CIITA: variants seen among roughly 807,000 people sequenced by gnomAD.
CIITA encodes the protein MHC class II transactivator.
In CIITA, 72 loss-of-function variants were observed where a neutral mutation model predicts 115.1. The observed-to-expected ratio is 0.63, with a 90% confidence interval of 0.52 to 0.76. The LOEUF (loss-of-function observed/expected upper bound fraction) is 0.76, where lower values mean the gene tolerates loss of function less well. Ranked by LOEUF, CIITA falls within the 30% of genes least tolerant of loss-of-function variation. CIITA has a pLI of 0.00. For synonymous variants in CIITA, 763 were observed against 635.6 expected, an observed-to-expected ratio of 1.20 and a Z score of -3.02; for missense variants, 1,617 against 1,463.8, an observed-to-expected ratio of 1.10 and a Z score of -1.71.
rs754653550 is a variant in CIITA at position 10,923,181 on chromosome 16, C to T, written c.3318-47C>T. The stretch of plus-strand genomic sequence containing the variant: ...GGCAGCTGTCACTGGGGCCCCAGGC[C>T]GCCCTCTCTCCTCTAACCTGGCTCT... On this transcript the variant is annotated intron_variant, in intron 18 of 19. Coordinates refer to ENST00000324288, the MANE Select transcript of CIITA (RefSeq NM_000246.4). This position sits in a 1 kb window ranked among gnomAD's most constrained non-coding sequence, Gnocchi z 5.2. The T allele has an allele frequency of 6.0e-5, 95 of 1,572,336 alleles. 1 individual carries two copies. Among genetic ancestry groups the T allele is most frequent in the East Asian group, 2.7e-4 (12 of 44,696 alleles).
At chr16:10,902,369 C>T (rs2038840748) in intron 7 of CIITA, among the ~76,000 whole-genome samples, 185 bp downstream of exon 7, 1 of 152,192 alleles carries the variant, frequency 6.6e-6, no homozygotes, top group African/African-American at 2.4e-5. Flanking sequence ...TGGCAGAGAA[C>T]ATGCCTCAGA....
downstream of CIITA, chr16:10,940,222 A>C (rs189007001): frequency 1.3e-5 from 2 of 152,302 alleles, no homozygotes; most frequent in Admixed American, 1.3e-4. This position sits in a 1 kb window ranked among gnomAD's most constrained non-coding sequence, Gnocchi z 4.2. Context: ...TCTGATCCCA[A>C]ATGATGGTAT....
intron 1 of CIITA, among the ~76,000 whole-genome samples, chr16:10,893,436 G>T (rs1251826201): frequency 6.6e-6 from 1 of 152,130 alleles, no homozygotes; most frequent in Non-Finnish European, 1.5e-5. Context: ...TGGGTCTCAA[G>T]TTCTTCATCT....
At chr16:10,940,916 G>C (rs947242911), downstream of CIITA, 1 of 152,274 alleles carries the variant, frequency 6.6e-6, no homozygotes, top group African/African-American at 2.4e-5. The surrounding 1 kb of genome is among the most constrained non-coding windows in gnomAD (Gnocchi z 4.2). Context: ...TGCCTGTTCT[G>C]TGAAGGGAGC....
chr16:10,922,319 G>A lies in CIITA; in HGVS notation c.3233+69G>A, dbSNP rs1308819156. 6.9e-6 allele frequency: 11 copies of A among 1,603,474 alleles called. No homozygotes were observed. The East Asian group carries it at 2.2e-4, about 33-fold the overall frequency. On this transcript the variant is annotated intron_variant, in intron 17 of 19. Transcript: ENST00000324288. ...GGAGACACTGAAGTCTCTCCCTGGT[G>A]TCCTGGAAGAGCTGGATGTGGGGGT...
Position 10,879,668 on chromosome 16 carries a change from C to A in CIITA, c.52+2286C>A, listed in dbSNP as rs563187201. On this transcript the variant is annotated intron_variant, in intron 1 of 19. Transcript: ENST00000324288. The surrounding 1 kb of genome is among the most constrained non-coding windows in gnomAD (Gnocchi z 4.3). ...AGGGATCCCCCCGGACTGAACCGAT[C>A]TCTTGATCTCTCACTTCTCTACCTC... Among the ~76,000 whole-genome samples, 3 of 152,286 alleles carry A rather than the reference C, an allele frequency of 2.0e-5. No homozygotes were observed. The South Asian group carries it at 6.2e-4, about 32-fold the overall frequency.
At chr16:10,888,541 C>T (rs1238066513) in intron 1 of CIITA, 5 of 152,368 alleles carry the variant, frequency 3.3e-5, no homozygotes. Flanking sequence ...TTATTTCAGA[C>T]ACCTGTTTAG....
chr16:10,902,511 T>C, intron 7 of CIITA, 147 bp from the exon 8 acceptor site: 2 of 1,000,272 alleles, frequency 2.0e-6, no homozygotes, highest in Non-Finnish European at 3.1e-6. Context: ...GTGCTAAGAA[T>C]TCCATCAGGG....
In CIITA at chr16:10,941,795, C is replaced by G; in HGVS notation, n.921C>G. ...CCCGAGCCGGGGTCGGAGAGCACGCCGAGGTCCACGAGCGCCTGGTCCATG... is the reference window on the plus strand; with the variant it reads ...CCCGAGCCGGGGTCGGAGAGCACGCGGAGGTCCACGAGCGCCTGGTCCATG... On this transcript the variant is annotated non_coding_transcript_exon_variant, in exon 2 of 2. Coordinates refer to the CIITA transcript ENST00000573379. The surrounding 1 kb of genome is among the most constrained non-coding windows in gnomAD (Gnocchi z 6.4). 3 of 1,613,634 alleles carry G rather than the reference C, an allele frequency of 1.9e-6. No individual in the cohort carries two copies. In the South Asian group the frequency reaches 3.3e-5, roughly 18 times the overall value.
In CIITA at chr16:10,898,728, T is replaced by C. The variant is rs2038396046; in HGVS notation, c.354T>C (p.Ile118=). Residue 118 remains isoleucine (I), a synonymous_variant, in exon 4 of 20, where the codon ATT becomes ATC. Transcript: ENST00000324288. ...AGCTGGAGGGCCTGAGCAAGGACAT[T>C]TTCAGTAAGTTTGTGGTGGGTGGGG... The part of the protein sequence containing the change: ...DSQLEGLSKD[I]FKHIGPDEVI... 1.2e-6 allele frequency: 2 copies of C among 1,611,400 alleles called. No individual in the cohort carries two copies. The highest frequency in any genetic ancestry group is 1.7e-6 in the Non-Finnish European group (2 of 1,178,890).
At chr16:10,902,296 A>G in intron 7 of CIITA, 112 bp downstream of exon 7, 1 of 1,443,416 alleles carries the variant, frequency 6.9e-7, no homozygotes, top group Admixed American at 1.9e-5. Context: ...CCCCAACCCT[A>G]TCAGTGTCAC....
At position 10,906,733 on chromosome 16, in the gene CIITA, G is replaced by A. The variant is rs572327540; in HGVS notation, c.1241G>A (p.Arg414Gln). The A allele has an allele frequency of 1.9e-6, 3 of 1,610,840 alleles. No individual in the cohort carries two copies. Among genetic ancestry groups the A allele is most frequent in the East Asian group, 4.5e-5 (2 of 44,850 alleles). ...GAGCACCGGCGGCCGCGTGAGACACGAGTGATTGCTGTGCTGGGCAAAGCT... is the reference window on the plus strand; with the variant it reads ...GAGCACCGGCGGCCGCGTGAGACACAAGTGATTGCTGTGCTGGGCAAAGCT... Reference protein sequence around the residue: ...AKEHRRPRETRVIAVLGKAGQ... With the variant: ...AKEHRRPRETQVIAVLGKAGQ... The change falls in exon 11 of 20, where the codon CGA (arginine) becomes CAA (glutamine). Residue 414 changes from arginine (R) to glutamine (Q), a missense_variant. By Grantham distance (43) the Arg-to-Gln change is conservative. Coordinates refer to ENST00000324288, the MANE Select transcript of CIITA (RefSeq NM_000246.4).
At chr16:10,939,718 C>G (rs184504252), downstream of CIITA, 1 of 152,188 alleles carries the variant, frequency 6.6e-6, no homozygotes, top group Non-Finnish European at 1.5e-5. The surrounding 1 kb of genome is among the most constrained non-coding windows in gnomAD (Gnocchi z 4.9). Flanking sequence ...CTACAGAGAC[C>G]GTCTACTAGA....
At chr16:10,909,310 C>T in intron 12 of CIITA, 123 bp downstream of exon 12, 2 of 1,017,462 alleles carry the variant, frequency 2.0e-6, no homozygotes, top group Admixed American at 2.0e-5. Flanking sequence ...CCCATGCCCT[C>T]TTTCTGGGCA....
At chr16:10,903,347 TC>T (rs1238350699) in intron 8 of CIITA, among the ~76,000 whole-genome samples, 3 of 152,186 alleles carry the variant, frequency 2.0e-5, no homozygotes, top group Non-Finnish European at 2.9e-5. Flanking sequence ...ATGCTTCCAC[TC>T]AAGTCCAGAG....
intron 18 of CIITA, chr16:10,922,831 T>C (rs1279303096): frequency 2.4e-5 from 12 of 509,940 alleles, no homozygotes; most frequent in Non-Finnish European, 3.5e-5. Flanking sequence ...CAATTTCATA[T>C]GGTTCAGGTT....
chr16:10,900,278 A>G lies in CIITA; in HGVS notation c.437-1236A>G, dbSNP rs2038586542. On this transcript the variant is annotated intron_variant, in intron 5 of 19. Coordinates refer to ENST00000324288, the MANE Select transcript of CIITA (RefSeq NM_000246.4). ...CCACATTTTATTTACACTATTCTGC[A>G]TTTTGCTTTCTTCATTTACTTCATT... 2.0e-5 allele frequency among the ~76,000 whole-genome samples: 3 copies of G among 151,980 alleles called. No individual in the cohort carries two copies. In the South Asian group the frequency reaches 6.2e-4, roughly 32 times the overall value.
downstream of CIITA, chr16:10,937,789 C>T (rs1202820732): frequency 6.6e-6 from 1 of 152,250 alleles, no homozygotes; most frequent in South Asian, 2.1e-4. The surrounding 1 kb of genome is among the most constrained non-coding windows in gnomAD (Gnocchi z 4.2). Context: ...TCCCGATTCC[C>T]CATTCCCTGC....
intron 1 of CIITA, among the ~76,000 whole-genome samples, chr16:10,890,605 G>A (rs1188936242): frequency 6.6e-6 from 1 of 152,082 alleles, no homozygotes; most frequent in Non-Finnish European, 1.5e-5. Flanking sequence ...GGCCCTTCTT[G>A]TTCCTATGAA....
Sources: allele counts gnomAD v4.1 joint callset (sites outside exome capture counted in the v4.1 genomes callset), GRCh38; gene constraint gnomAD v4.1.1; non-coding constraint Gnocchi (gnomAD v3.1); transcripts MANE v1.5; gene names NCBI Gene and HGNC (gene_info 2026-07-23, HGNC 2026-07-21).